The following USP54 variants were observed in gnomAD, a reference collection of about 807,000 sequenced individuals.
USP54 encodes the protein ubiquitin carboxyl-terminal hydrolase 54.
USP54 carries 87 observed loss-of-function variants against 170.5 expected under a neutral mutation model. That is an observed-to-expected ratio of 0.51 (90% CI 0.43 to 0.61). USP54 has a LOEUF of 0.61. Ranked by LOEUF, USP54 falls within the 20% of genes least tolerant of loss-of-function variation. The pLI is 0.00. For synonymous variants in USP54, 655 were observed against 742.8 expected, an observed-to-expected ratio of 0.88 and a Z score of 1.92; for missense variants, 1,786 against 2,047.8, an observed-to-expected ratio of 0.87 and a Z score of 2.47.
intron 1 of USP54, among the ~76,000 whole-genome samples, chr10:73,598,435 C>T (rs76562636): frequency 0.087 from 13,225 of 152,132 alleles, 853 homozygotes; most frequent in African/African-American, 0.18. Context: ...GGCAAAGACA[C>T]CACACAAGTA....
At chr10:73,586,791 T>C (rs2077534773) in intron 1 of USP54, among the ~76,000 whole-genome samples, 1 of 152,224 alleles carries the variant, frequency 6.6e-6, no homozygotes, top group Non-Finnish European at 1.5e-5. Context: ...AAGCTATTTG[T>C]TGATTTATGA....
chr10:73,561,459 C>A (rs187269764), intron 4 of USP54, among the ~76,000 whole-genome samples: 43 of 152,084 alleles, frequency 2.8e-4, no homozygotes, highest in Non-Finnish European at 5.1e-4. Flanking sequence ...ATCCTGTCTC[C>A]ATTTTTTTTA....
intron 9 of USP54, among the ~76,000 whole-genome samples, chr10:73,541,106 T>C (rs2066513614): frequency 6.6e-6 from 1 of 152,208 alleles, no homozygotes; most frequent in Non-Finnish European, 1.5e-5. Context: ...GAATTACTGA[T>C]TTATTTTTAT....
Position 73,624,569 on chromosome 10 carries a change from A to ATGTTGGG in USP54, c.-18+997_-18+998insCCCAACA, listed in dbSNP as rs1490996245. ...TCAACATAAAAAAATCCAGTTATAT[A>ATGTTGGG]ATCACAAGAGAGTTATCCCTTTCAA... is the stretch of plus-strand genomic sequence containing the variant. On this transcript the variant is annotated intron_variant, in intron 1 of 22. Coordinates refer to the USP54 transcript ENST00000339859. 5 of 152,244 alleles carry ATGTTGGG rather than the reference A, an allele frequency of 3.3e-5. No homozygotes were observed. The East Asian group carries it at 9.6e-4, about 29-fold the overall frequency. The allele number at this position is 152,244 out of a possible 1,614,324, so 9.4% of individuals were successfully genotyped here.
chr10:73,528,343 C>CT (rs1172725498), intron 15 of USP54, among the ~76,000 whole-genome samples: 1 of 152,108 alleles, frequency 6.6e-6, no homozygotes, highest in Non-Finnish European at 1.5e-5. Context: ...CGTCCACCTC[C>CT]TGGGTTCAAG....
intron 11 of USP54, 62 bp from the exon 12 acceptor site, chr10:73,534,832 G>A: frequency 2.0e-6 from 3 of 1,506,052 alleles, no homozygotes; most frequent in Admixed American, 1.8e-5. Context: ...CAAAGAGAAG[G>A]AAAAGAGATG....
At chr10:73,616,335 CAAAAAA>C (rs60197778) in intron 1 of USP54, among the ~76,000 whole-genome samples, 3 of 25,776 alleles carry the variant, frequency 1.2e-4, no homozygotes, top group African/African-American at 1.8e-4. Flanking sequence ...GACTCCATCT[CAAAAAA>C]AAAAAAAAAA....
At chr10:73,500,164 C>T (rs150395868) in intron 23 of USP54, among the ~76,000 whole-genome samples, 2 of 152,298 alleles carry the variant, frequency 1.3e-5, no homozygotes, top group African/African-American at 4.8e-5. Context: ...TATTGCCCAC[C>T]TTCCCCACAA....
intron 4 of USP54, among the ~76,000 whole-genome samples, chr10:73,555,102 C>T (rs1219301161): frequency 6.6e-6 from 1 of 152,174 alleles, no homozygotes; most frequent in East Asian, 1.9e-4. Context: ...GACCCTGTCT[C>T]AATAAATAAC....
chr10:73,522,670 C>T (rs893447564), intron 17 of USP54, among the ~76,000 whole-genome samples: 1 of 152,150 alleles, frequency 6.6e-6, no homozygotes, highest in East Asian at 1.9e-4. Context: ...GAATTTAAAA[C>T]TAATTTGGAA....
In USP54 at chr10:73,529,385, T is replaced by A. The variant is rs547639530; in HGVS notation, c.2060+295A>T. Reference sequence around the variant, plus strand: ...GTGGGTAACAAAATAATCTGTACAATGAACTCCTATGACACAAGTTTATCC... The same window carrying A: ...GTGGGTAACAAAATAATCTGTACAAAGAACTCCTATGACACAAGTTTATCC... On this transcript the variant is annotated intron_variant, in intron 15 of 23. Transcript: ENST00000687698. 14 of 409,416 alleles carry A rather than the reference T, an allele frequency of 3.4e-5. 1 individual carries two copies. Among genetic ancestry groups the A allele is most frequent in the South Asian group, 2.6e-4 (12 of 45,880 alleles). 25.4% of individuals were successfully genotyped at this position (409,416 alleles called of 1,614,324 possible).
intron 1 of USP54, among the ~76,000 whole-genome samples, chr10:73,604,990 T>TAA (rs1055108650): frequency 6.6e-6 from 1 of 152,188 alleles, no homozygotes; most frequent in African/African-American, 2.4e-5. Flanking sequence ...CGGTCCATTT[T>TAA]ACAGAGTACT....
intron 4 of USP54, among the ~76,000 whole-genome samples, chr10:73,563,912 CCTAA>C (rs1446451327): frequency 6.6e-6 from 1 of 151,946 alleles, no homozygotes; most frequent in African/African-American, 2.4e-5. Context: ...TTATCAATTT[CCTAA>C]CTTTTTTTTC....
chr10:73,584,245 G>A (rs956947363), intron 1 of USP54, among the ~76,000 whole-genome samples: 4 of 152,028 alleles, frequency 2.6e-5, no homozygotes, highest in African/African-American at 4.8e-5. Flanking sequence ...AAAATTAGCC[G>A]GGCGTGGTGG....
upstream of USP54, among the ~76,000 whole-genome samples, chr10:73,595,912 C>T (rs1173366574): frequency 2.0e-5 from 3 of 151,786 alleles, no homozygotes; most frequent in Non-Finnish European, 2.9e-5. Flanking sequence ...GATTTTGAGA[C>T]CAGCCTGGCC....
chr10:73,573,097 A>G (rs891528009), intron 3 of USP54, among the ~76,000 whole-genome samples: 6 of 151,976 alleles, frequency 3.9e-5, no homozygotes, highest in Non-Finnish European at 7.4e-5. Context: ...CAGCCTAAGC[A>G]ATTATAGTGA....
At position 73,553,277 on chromosome 10, in the gene USP54, C is replaced by T. The variant is rs890941831; in HGVS notation, c.241-7605G>A. 4 of 152,236 alleles carry T rather than the reference C, an allele frequency of 2.6e-5. No individual in the cohort carries two copies. In the East Asian group the frequency reaches 7.7e-4, roughly 29 times the overall value. 9.4% of individuals were successfully genotyped at this position (152,236 alleles called of 1,614,324 possible). ...AATCTGAATGCATTCAGAATGGCCT[C>T]TGACTACATCTTCTTTATTCTCTTA... On this transcript the variant is annotated intron_variant, in intron 4 of 23. Coordinates refer to ENST00000687698, the MANE Select transcript of USP54 (RefSeq NM_001391956.1).
At chr10:73,617,425 C>T (rs1367189847) in intron 1 of USP54, among the ~76,000 whole-genome samples, 1 of 148,496 alleles carries the variant, frequency 6.7e-6, no homozygotes, top group Non-Finnish European at 1.5e-5. Flanking sequence ...CATTGCACTC[C>T]AGCCTGGGCA....
chr10:73,504,920 C>T lies in USP54; in HGVS notation c.4241G>A (p.Arg1414His), dbSNP rs1334442901. The change falls in exon 22 of 24, where the codon CGC becomes CAC. Residue 1414 changes from arginine (R) to histidine (H), a missense_variant. Coordinates refer to ENST00000687698, the MANE Select transcript of USP54 (RefSeq NM_001391956.1). ...DEQYSAENLRRISRSLSGTVV... is the reference protein window; with the variant it reads ...DEQYSAENLRHISRSLSGTVV... ...GGTGCCACTGAGACTGCGTGAGATG[C>T]GACGTAAATTCTCTGCACTGTACTG... is the stretch of plus-strand genomic sequence containing the variant. 12 of 1,614,110 alleles carry T rather than the reference C, an allele frequency of 7.4e-6. No homozygotes were observed. The East Asian group carries it at 1.6e-4, about 21-fold the overall frequency.
Sources: allele counts gnomAD v4.1 joint callset (sites outside exome capture counted in the v4.1 genomes callset), GRCh38; gene constraint gnomAD v4.1.1; transcripts MANE v1.5; gene names NCBI Gene and HGNC (gene_info 2026-07-23, HGNC 2026-07-21).